NRXN3: variants seen among roughly 807,000 people sequenced by gnomAD.
NRXN3 encodes the protein neurexin III.
In NRXN3, 32 loss-of-function variants were observed where a neutral mutation model predicts 137.6. The observed-to-expected ratio is 0.23, with a 90% confidence interval of 0.18 to 0.31. The LOEUF (loss-of-function observed/expected upper bound fraction) is 0.31. NRXN3 is among the 10% of genes least tolerant of loss of function. The pLI is 1.00. For synonymous variants in NRXN3, 798 were observed against 784.5 expected (o/e 1.02, Z -0.29); for missense variants, 1,574 against 2,062.5 (o/e 0.76, Z 4.59).
chr14:79,819,942 T>A (rs1048631973), intron 20 of NRXN3, among the ~76,000 whole-genome samples: 2 of 152,112 alleles, frequency 1.3e-5, no homozygotes, highest in African/African-American at 4.8e-5. Flanking sequence ...GCTTTGCCAG[T>A]GTGTCTTCTG....
At chr14:79,206,665 C>A (rs912856892) in intron 15 of NRXN3, among the ~76,000 whole-genome samples, 1 of 152,158 alleles carries the variant, frequency 6.6e-6, no homozygotes, top group Admixed American at 6.5e-5. Flanking sequence ...TCAATAACAT[C>A]CCAGTGCTGC....
chr14:78,824,526 G>T (rs555778292), intron 10 of NRXN3, among the ~76,000 whole-genome samples: 2 of 152,090 alleles, frequency 1.3e-5, no homozygotes, highest in Admixed American at 6.6e-5. Context: ...AGCCACAGGA[G>T]AAATCTGTAG....
chr14:78,201,407 G>T (rs567844594), intron 1 of NRXN3, among the ~76,000 whole-genome samples: 1 of 152,166 alleles, frequency 6.6e-6, no homozygotes, highest in Non-Finnish European at 1.5e-5. Flanking sequence ...GATGGCTTCT[G>T]CTGGGCAACT....
intron 1 of NRXN3, among the ~76,000 whole-genome samples, chr14:78,235,639 C>A (rs538420649): frequency 1.3e-5 from 2 of 152,018 alleles, no homozygotes; most frequent in South Asian, 4.2e-4. Context: ...AAAAAAAAGT[C>A]TCTTCCTGTC....
At chr14:79,423,877 A>G (rs565360204) in intron 15 of NRXN3, among the ~76,000 whole-genome samples, 1 of 152,282 alleles carries the variant, frequency 6.6e-6, no homozygotes, top group Non-Finnish European at 1.5e-5. Context: ...CAGTGTAGTT[A>G]AATATAAAGT....
At chr14:79,712,630 C>T (rs1038500256) in intron 19 of NRXN3, among the ~76,000 whole-genome samples, 10 of 152,266 alleles carry the variant, frequency 6.6e-5, no homozygotes, top group African/African-American at 2.2e-4. Context: ...TGAATACCCT[C>T]GTTATCTCGT....
chr14:79,413,573 G>A (rs2095450497), intron 15 of NRXN3, among the ~76,000 whole-genome samples: 3 of 152,046 alleles, frequency 2.0e-5, no homozygotes, highest in Admixed American at 1.3e-4. Flanking sequence ...ATTATGCACT[G>A]CTACTGAGGT....
chr14:79,127,972 CTGTT>C (rs751649397), intron 15 of NRXN3, among the ~76,000 whole-genome samples: 2 of 149,054 alleles, frequency 1.3e-5, no homozygotes, highest in Non-Finnish European at 3.0e-5. Flanking sequence ...ATTTGGCTCT[CTGTT>C]TGTCTGTTGT....
intron 16 of NRXN3, among the ~76,000 whole-genome samples, chr14:79,534,091 G>A (rs190228084): frequency 9.2e-5 from 14 of 152,218 alleles, no homozygotes; most frequent in Middle Eastern, 3.4e-3. Flanking sequence ...AAACAATCTC[G>A]AAATGTGGCC....
chr14:79,417,165 G>A (rs1267703121), intron 15 of NRXN3, among the ~76,000 whole-genome samples: 1 of 152,032 alleles, frequency 6.6e-6, no homozygotes, highest in East Asian at 1.9e-4. Flanking sequence ...CTATTTCATA[G>A]GCCAGGAATA....
At chr14:78,399,531 A>T (rs1481836275) in intron 4 of NRXN3, among the ~76,000 whole-genome samples, 1 of 152,144 alleles carries the variant, frequency 6.6e-6, no homozygotes, top group Non-Finnish European at 1.5e-5. Flanking sequence ...AAGCTCTCAG[A>T]CTCAGTGCAT....
chr14:78,304,256 ACAC>A (rs1186975573), intron 4 of NRXN3, among the ~76,000 whole-genome samples: 2 of 152,216 alleles, frequency 1.3e-5, no homozygotes, highest in African/African-American at 2.4e-5. Flanking sequence ...TTTATAGATT[ACAC>A]CAGAATAAAC....
chr14:79,550,747 C>T (rs1280826291), intron 16 of NRXN3, among the ~76,000 whole-genome samples: 4 of 152,220 alleles, frequency 2.6e-5, no homozygotes, highest in Non-Finnish European at 4.4e-5. Context: ...CAAACAAAGG[C>T]GTCTGCTGGC....
At chr14:78,365,190 T>G (rs975882437) in intron 4 of NRXN3, among the ~76,000 whole-genome samples, 1 of 152,190 alleles carries the variant, frequency 6.6e-6, no homozygotes, top group African/African-American at 2.4e-5. Context: ...TTGAGCAGGC[T>G]CTGTATATTT....
At chr14:79,708,324 C>CAAAT (rs2098789453) in intron 19 of NRXN3, among the ~76,000 whole-genome samples, 1 of 152,078 alleles carries the variant, frequency 6.6e-6, no homozygotes, top group Admixed American at 6.6e-5. Context: ...AGGTTACATG[C>CAAAT]AAATACTATG....
chr14:79,112,252 CTT>C (rs2053654769), intron 15 of NRXN3, among the ~76,000 whole-genome samples: 1 of 152,244 alleles, frequency 6.6e-6, no homozygotes, highest in Non-Finnish European at 1.5e-5. Flanking sequence ...GTAGGCCTCT[CTT>C]CTTCCCAGCC....
rs578012405 is a variant in NRXN3, at chr14:79,018,941, A to G, written c.3262+30800A>G. ...TTTCCCTGCCTTTTCTCTACTTATT[A>G]TCCTTCTCTACTTATTCATCCTTCA... On this transcript the variant is annotated intron_variant, in intron 15 of 20. Coordinates refer to ENST00000335750, the MANE Select transcript of NRXN3 (RefSeq NM_001330195.2). 3.9e-5 allele frequency among the ~76,000 whole-genome samples: 6 copies of G among 152,224 alleles called. No individual in the cohort carries two copies. In the South Asian group the frequency reaches 8.3e-4, roughly 21 times the overall value.
intron 15 of NRXN3, among the ~76,000 whole-genome samples, chr14:79,338,364 C>T (rs1012418163): frequency 6.6e-5 from 10 of 151,928 alleles, no homozygotes; most frequent in Admixed American, 5.9e-4. Context: ...TTACGGCAGC[C>T]TTCAGGGTTT....
At chr14:79,432,369 T>G (rs2095774619) in intron 15 of NRXN3, among the ~76,000 whole-genome samples, 1 of 152,194 alleles carries the variant, frequency 6.6e-6, no homozygotes, top group African/African-American at 2.4e-5. Flanking sequence ...TACCTCAGCT[T>G]CAGGAGAAAC....
Sources: gnomAD v4.1 joint callset for allele counts (sites outside exome capture counted in the v4.1 genomes callset) on GRCh38, gnomAD v4.1.1 for gene constraint, MANE v1.5 for transcripts, NCBI Gene and HGNC (gene_info 2026-07-23, HGNC 2026-07-21) for gene names.